AXDND1: variants seen among roughly 807,000 people sequenced by gnomAD.
AXDND1 encodes the protein axonemal dynein light chain domain containing 1, also known as axonemal dynein light chain domain-containing protein 1.
A neutral mutation model predicts 137.5 loss-of-function variants in AXDND1; 110 were observed. The ratio of observed to expected loss-of-function variants is 0.80; its 90% CI spans 0.69 to 0.94. AXDND1 has a LOEUF of 0.94. Ranked by LOEUF, AXDND1 falls within the 40% of genes least tolerant of loss-of-function variation. The probability of loss-of-function intolerance (pLI) is 0.00; values close to 1 mark genes in which losing one functional copy is unlikely to be tolerated. For synonymous variants in AXDND1, 414 were observed against 399.7 expected, an observed-to-expected ratio of 1.04 and a Z score of -0.43; for missense variants, 1,191 against 1,169.8, an observed-to-expected ratio of 1.02 and a Z score of -0.26.
chr1:179,402,785 C>T (rs1428748369), intron 11 of AXDND1, among the ~76,000 whole-genome samples: 1 of 152,194 alleles, frequency 6.6e-6, no homozygotes, highest in African/African-American at 2.4e-5. Context: ...AGTTGTCATA[C>T]TCATTGTCTT....
At chr1:179,475,899 G>C (rs1664556483) in intron 17 of AXDND1, among the ~76,000 whole-genome samples, 1 of 152,062 alleles carries the variant, frequency 6.6e-6, no homozygotes, top group Non-Finnish European at 1.5e-5. Flanking sequence ...ACATGTCAAG[G>C]GAAGGAGGTG....
At chr1:179,468,361 C>T in intron 16 of AXDND1, 82 bp from the exon 17 acceptor site, 1 of 962,414 alleles carries the variant, frequency 1.0e-6, no homozygotes. Context: ...AATGCCCTTG[C>T]TCAGTAGGAT....
chr1:179,418,537 A>G (rs1363898733), intron 12 of AXDND1, among the ~76,000 whole-genome samples: 1 of 151,970 alleles, frequency 6.6e-6, no homozygotes, highest in Non-Finnish European at 1.5e-5. Flanking sequence ...GGCCGGGCAG[A>G]GGGGCTCCCC....
At chr1:179,446,336 A>G (rs1290836867) in intron 16 of AXDND1, among the ~76,000 whole-genome samples, 1 of 152,234 alleles carries the variant, frequency 6.6e-6, no homozygotes, top group African/African-American at 2.4e-5. Context: ...ACAAATGTCC[A>G]CCAACTGACA....
chr1:179,497,520 GC>G (rs1667559659), intron 20 of AXDND1, among the ~76,000 whole-genome samples: 1 of 152,062 alleles, frequency 6.6e-6, no homozygotes, highest in Admixed American at 6.6e-5. Context: ...AATAATAAGA[GC>G]CATCTATGAC....
At chr1:179,387,635 G>C (rs1471299218) in intron 9 of AXDND1, among the ~76,000 whole-genome samples, 1 of 152,076 alleles carries the variant, frequency 6.6e-6, no homozygotes, top group Non-Finnish European at 1.5e-5. Context: ...GCTTTGTTTT[G>C]GGACACAATT....
chr1:179,407,842 G>A (rs955376176), intron 11 of AXDND1, among the ~76,000 whole-genome samples: 1 of 152,076 alleles, frequency 6.6e-6, no homozygotes, highest in Admixed American at 6.5e-5. Flanking sequence ...TAGGTTTTCT[G>A]TGTCTTTGTC....
chr1:179,427,234 A>G lies in AXDND1; in HGVS notation c.1231-2284A>G, dbSNP rs537843448. Among the ~76,000 whole-genome samples the G allele has an allele frequency of 2.0e-5, 3 of 152,300 alleles. No individual in the cohort carries two copies. In the East Asian group the frequency reaches 5.8e-4, roughly 29 times the overall value. ...GTTTAGTTTATATATGCACACACAC[A>G]AAATCTTCACCAAGAGAACAGCAAA... is the stretch of plus-strand genomic sequence containing the variant. On this transcript the variant is annotated intron_variant, in intron 12 of 25. Transcript: ENST00000367618.
chr1:179,500,935 G>A (rs1667934408), intron 20 of AXDND1, among the ~76,000 whole-genome samples: 1 of 152,178 alleles, frequency 6.6e-6, no homozygotes, highest in Non-Finnish European at 1.5e-5. Flanking sequence ...GCCTCCCAAA[G>A]TACTGGGATT....
At chr1:179,450,455 T>G (rs1340694526) in intron 16 of AXDND1, 1 of 152,214 alleles carries the variant, frequency 6.6e-6, no homozygotes, top group African/African-American at 2.4e-5. Flanking sequence ...AAGTGTGATG[T>G]TAGCTGTGGG....
At chr1:179,524,686 C>T (rs1670376228) in intron 21 of AXDND1, among the ~76,000 whole-genome samples, 1 of 152,178 alleles carries the variant, frequency 6.6e-6, no homozygotes. Context: ...TCTTAAATAT[C>T]TCTTAAATCC....
At chr1:179,418,807 C>G (rs1471525129) in intron 12 of AXDND1, among the ~76,000 whole-genome samples, 1 of 151,926 alleles carries the variant, frequency 6.6e-6, no homozygotes, top group African/African-American at 2.4e-5. Context: ...GGAGGGGCTC[C>G]TCACTTCTCA....
rs1416662208 is a variant in AXDND1 at position 179,432,265 on chromosome 1, A to G, written c.1488-2A>G. Reference sequence around the variant, plus strand: ...TTCTCTTTTTTTTTTTCTTCTTTTCAGTGAAAAAGACATTTTATCCCCTAA... The same window carrying G: ...TTCTCTTTTTTTTTTTCTTCTTTTCGGTGAAAAAGACATTTTATCCCCTAA... On this transcript the variant is annotated splice_acceptor_variant, in intron 14 of 25. Coordinates refer to ENST00000367618, the MANE Select transcript of AXDND1 (RefSeq NM_144696.6). LOFTEE classifies it high-confidence loss of function. 6.5e-7 allele frequency: 1 copy of G among 1,534,328 alleles called. No homozygotes were observed. Among genetic ancestry groups the G allele is most frequent in the Non-Finnish European group, 8.8e-7 (1 of 1,138,198 alleles).
At chr1:179,451,349 A>G (rs1033992436) in intron 16 of AXDND1, 21 of 147,488 alleles carry the variant, frequency 1.4e-4, no homozygotes, top group Non-Finnish European at 2.6e-4. Context: ...AAAAAAAAAA[A>G]ATCGTCCACT....
chr1:179,444,205 A>G (rs988190064), intron 15 of AXDND1, among the ~76,000 whole-genome samples: 3 of 152,060 alleles, frequency 2.0e-5, no homozygotes, highest in Non-Finnish European at 2.9e-5. Flanking sequence ...TTTTCCATAT[A>G]TTATCTTACT....
At chr1:179,422,594 T>A (rs6697285) in intron 12 of AXDND1, among the ~76,000 whole-genome samples, 132,995 of 152,226 alleles carry the variant, frequency 0.87, 58,206 homozygotes, top group East Asian at 0.9. Context: ...GCTGACAAAA[T>A]GAATGTGTAT....
chr1:179,515,507 CT>C (rs1489085565), intron 21 of AXDND1, among the ~76,000 whole-genome samples: 2 of 152,056 alleles, frequency 1.3e-5, no homozygotes, highest in African/African-American at 4.8e-5. Context: ...TGTTAAGATT[CT>C]TTTCTTCGTC....
intron 16 of AXDND1, among the ~76,000 whole-genome samples, chr1:179,464,302 C>T (rs1354204968): frequency 6.6e-6 from 1 of 152,160 alleles, no homozygotes; most frequent in Admixed American, 6.5e-5. Context: ...TCTTGTAAGG[C>T]AGGCCTGGTG....
Position 179,445,023 on chromosome 1 carries a change from C to G in AXDND1, c.1617C>G (p.Tyr539Ter), listed in dbSNP as rs142812354. ...CTGGGGATGTTCTACTGTCAAAATA[C>G]GATACTCTCAAGATTATTAAACATT... ...EFTGDVLLSK[Y>*]DTLKIIKHLQ... The change falls in exon 16 of 26, where the codon TAC becomes TAG. Residue 539 changes from tyrosine (Y) to a stop codon, truncating the protein, a stop_gained. Coordinates refer to ENST00000367618, the MANE Select transcript of AXDND1 (RefSeq NM_144696.6). LOFTEE classifies it high-confidence loss of function. 6.2e-7 allele frequency: 1 copy of G among 1,612,696 alleles called. No individual in the cohort carries two copies. Among genetic ancestry groups the G allele is most frequent in the Non-Finnish European group, 8.5e-7 (1 of 1,179,052 alleles).
Sources: gnomAD v4.1 joint callset for allele counts (sites outside exome capture counted in the v4.1 genomes callset) on GRCh38, gnomAD v4.1.1 for gene constraint, MANE v1.5 for transcripts, NCBI Gene and HGNC (gene_info 2026-07-23, HGNC 2026-07-21) for gene names.